DMP1: variants seen among roughly 807,000 people sequenced by gnomAD.
DMP1 encodes the protein dentin matrix acidic phosphoprotein 1.
DMP1 carries 20 observed loss-of-function variants against 14.6 expected under a neutral mutation model. The observed-to-expected ratio is 1.37, with a 90% confidence interval of 0.96 to 1.99. The LOEUF is 1.99. Among genes scored for constraint, DMP1 ranks in the 30% most tolerant of loss-of-function variants. DMP1 has a pLI of 0.00. For missense variants in DMP1, 567 were observed against 620.5 expected, an observed-to-expected ratio of 0.91 and a Z score of 0.92; for synonymous variants, 197 against 215.3, an observed-to-expected ratio of 0.91 and a Z score of 0.75.
intron 1 of DMP1, among the ~76,000 whole-genome samples, chr4:87,653,402 TA>T (rs1386599472): frequency 1.1e-5 from 1 of 94,128 alleles, no homozygotes; most frequent in Non-Finnish European, 2.1e-5. Flanking sequence ...TATATATATA[TA>T]TATATATATA....
intron 1 of DMP1, among the ~76,000 whole-genome samples, chr4:87,653,390 T>TATATAA (rs1354878492): frequency 7.5e-5 from 2 of 26,728 alleles, no homozygotes; most frequent in Admixed American, 6.4e-4. Flanking sequence ...TCGAGTGATA[T>TATATAA]ATATATATAT....
At chr4:87,655,680 GTGTGTA>G (rs1004729544) in intron 1 of DMP1, among the ~76,000 whole-genome samples, 3 of 152,056 alleles carry the variant, frequency 2.0e-5, no homozygotes, top group African/African-American at 4.8e-5. Flanking sequence ...GTGTGTGTGT[GTGTGTA>G]TGTGTATGTG....
chr4:87,656,545 C>T lies in DMP1; in HGVS notation c.53C>T (p.Pro18Leu). 6.2e-7 allele frequency: 1 copy of T among 1,602,612 alleles called. No individual in the cohort carries two copies. Among genetic ancestry groups the T allele is most frequent in the Non-Finnish European group, 8.5e-7 (1 of 1,169,710 alleles). ...CTTTGGGGATTATCCTGTGCTCTCC[C>T]AGTAAGTATTAGGGTAGGGATATAT... ...MFLWGLSCAL[P>L]VTRYQNNESE... The change falls in exon 2 of 6, where the codon CCA becomes CTA. Residue 18 changes from proline (P) to leucine (L), a missense_variant and splice_region_variant. By Grantham distance (98) the Pro-to-Leu change is moderately conservative. Coordinates refer to ENST00000339673, the MANE Select transcript of DMP1 (RefSeq NM_004407.4).
rs754686792 is a variant in DMP1, at chr4:87,662,912, G to C, written c.1134G>C (p.Gln378His). ...PDPTTSYVED[Q>H]EDSDSSEEDS... ...CCACAACTAGTTATGTAGAAGACCA[G>C]GAAGACAGTGACTCCAGCGAGGAGG... The change falls in exon 6 of 6, where the codon CAG (glutamine) becomes CAC (histidine). Residue 378 changes from glutamine to histidine, a missense_variant. Gln to His is a conservative substitution (Grantham distance 24). Coordinates refer to ENST00000339673, the MANE Select transcript of DMP1 (RefSeq NM_004407.4). The C allele has an allele frequency of 6.2e-7, 1 of 1,614,190 alleles. No individual in the cohort carries two copies. The highest frequency in any genetic ancestry group is 1.1e-5 in the South Asian group (1 of 91,074).
intron 1 of DMP1, among the ~76,000 whole-genome samples, chr4:87,655,154 C>A (rs1416862077): frequency 6.6e-6 from 1 of 152,072 alleles, no homozygotes; most frequent in Non-Finnish European, 1.5e-5. Flanking sequence ...AGAAATGAAA[C>A]AAATCGACAA....
intron 1 of DMP1, among the ~76,000 whole-genome samples, chr4:87,653,712 T>C (rs765796872): frequency 4.8e-4 from 73 of 152,082 alleles, no homozygotes; most frequent in Middle Eastern, 3.2e-3. Context: ...GATTTGTGCA[T>C]TGGCATTTTT....
Position 87,662,903 on chromosome 4 carries a change from A to G in DMP1, c.1125A>G (p.Val375=). ...ACCCCGACCCCACAACTAGTTATGTAGAAGACCAGGAAGACAGTGACTCCA... is the reference window on the plus strand; with the variant it reads ...ACCCCGACCCCACAACTAGTTATGTGGAAGACCAGGAAGACAGTGACTCCA... ...GDNPDPTTSY[V]EDQEDSDSSE... The change falls in exon 6 of 6, where the codon GTA becomes GTG. Residue 375 remains valine, a synonymous_variant. Transcript: ENST00000339673. The G allele has an allele frequency of 6.2e-7, 1 of 1,614,222 alleles. No homozygotes were observed. The highest frequency in any genetic ancestry group is 8.5e-7 in the Non-Finnish European group (1 of 1,180,038).
chr4:87,656,808 C>T (rs1263330841), intron 2 of DMP1, among the ~76,000 whole-genome samples: 1 of 152,202 alleles, frequency 6.6e-6, no homozygotes, highest in Admixed American at 6.5e-5. Flanking sequence ...GCATCAGCAT[C>T]AACTAGGACC....
chr4:87,655,265 C>T (rs1051907865), intron 1 of DMP1, among the ~76,000 whole-genome samples: 2 of 152,170 alleles, frequency 1.3e-5, no homozygotes, highest in Non-Finnish European at 2.9e-5. Flanking sequence ...GGGTAAATTG[C>T]GTTCCTTAAA....
chr4:87,659,928 A>G (rs1178871518), intron 5 of DMP1, among the ~76,000 whole-genome samples: 1 of 152,236 alleles, frequency 6.6e-6, no homozygotes, highest in East Asian at 1.9e-4. Flanking sequence ...TTTAATGAAA[A>G]GAACTGCTTC....
intron 2 of DMP1, 76 bp downstream of exon 2, chr4:87,656,622 A>C: frequency 1.0e-6 from 1 of 953,998 alleles, no homozygotes. Context: ...GCTATGAACC[A>C]AGATGGCTGT....
rs10019009 is a variant in DMP1 at position 87,661,983 on chromosome 4, A to T, written c.205A>T (p.Ser69Cys). ...CTAGGCAAATGAAGACCCCAGTGACAGCACTCAGTCAGAGGAGGGCCTGGG... is the reference window on the plus strand; with the variant it reads ...CTAGGCAAATGAAGACCCCAGTGACTGCACTCAGTCAGAGGAGGGCCTGGG... ...EEQANEDPSD[S>C]TQSEEGLGSD... is the part of the protein sequence containing the mutation. The change falls in exon 6 of 6, where the codon AGC becomes TGC. Residue 69 changes from serine to cysteine, a missense_variant. Physicochemically the swap from Ser to Cys is moderately radical, Grantham distance 112. Transcript: ENST00000339673. 444,526 of 1,613,724 alleles carry T rather than the reference A, an allele frequency of 0.28. 63,234 individuals are homozygous for T. Among genetic ancestry groups the T allele is most frequent in the East Asian group, 0.41 (18,317 of 44,820 alleles).
chr4:87,663,030 A>G lies in DMP1; in HGVS notation c.1252A>G (p.Ser418Gly). 1.2e-6 allele frequency: 2 copies of G among 1,614,192 alleles called. No homozygotes were observed. The highest frequency in any genetic ancestry group is 1.7e-6 in the Non-Finnish European group (2 of 1,180,006). The change falls in exon 6 of 6, where the codon AGC (serine) becomes GGC (glycine). Residue 418 changes from serine to glycine, a missense_variant. Physicochemically the swap from Ser to Gly is moderately conservative, Grantham distance 56 (BLOSUM62 0). Coordinates refer to ENST00000339673, the MANE Select transcript of DMP1 (RefSeq NM_004407.4). Reference protein sequence around the residue: ...SSESLNFSEESPESPEDENSS... With the variant: ...SSESLNFSEEGPESPEDENSS... Reference sequence around the variant, plus strand: ...TGAGAGCCTCAACTTCTCAGAGGAAAGCCCGGAGTCCCCTGAGGATGAGAA... The same window carrying G: ...TGAGAGCCTCAACTTCTCAGAGGAAGGCCCGGAGTCCCCTGAGGATGAGAA...
At chr4:87,660,704 T>A (rs1160854932) in intron 5 of DMP1, 1 of 152,202 alleles carries the variant, frequency 6.6e-6, no homozygotes, top group Non-Finnish European at 1.5e-5. Context: ...AGGGCTCACC[T>A]CTCTGACTTC....
chr4:87,659,569 A>G, intron 5 of DMP1, 91 bp downstream of exon 5: 3 of 1,253,818 alleles, frequency 2.4e-6, no homozygotes, highest in Non-Finnish European at 3.5e-6. Context: ...AGTTCTAAAT[A>G]TAATATTTTC....
intron 1 of DMP1, among the ~76,000 whole-genome samples, chr4:87,651,018 A>T (rs1728519870): frequency 6.6e-6 from 1 of 152,174 alleles, no homozygotes; most frequent in South Asian, 2.1e-4. Context: ...AAAATATTGC[A>T]TTTTAAAACA....
intron 1 of DMP1, among the ~76,000 whole-genome samples, chr4:87,653,398 TATATA>T (rs971599911): frequency 5.0e-5 from 3 of 60,002 alleles, no homozygotes; most frequent in African/African-American, 8.3e-5. Flanking sequence ...TATATATATA[TATATA>T]TATATATATA....
At chr4:87,659,609 C>A in intron 5 of DMP1, 131 bp downstream of exon 5, 1 of 901,446 alleles carries the variant, frequency 1.1e-6, no homozygotes, top group Non-Finnish European at 1.8e-6. Flanking sequence ...CTAAAGAGTC[C>A]TATAAAGTAA....
rs572026852 is a variant in DMP1, at chr4:87,662,159, A to G, written c.381A>G (p.Gln127=). 5.6e-6 allele frequency: 9 copies of G among 1,614,250 alleles called. No individual in the cohort carries two copies. In the Admixed American group the frequency reaches 1.0e-4, roughly 18 times the overall value. The part of the protein sequence containing the change: ...DDSGPGPKDR[Q]EGGNSRLGSD... ...GTGGCCCAGGGCCCAAAGACAGACAAGAAGGAGGAAACTCCAGACTGGGAA... is the reference window on the plus strand; with the variant it reads ...GTGGCCCAGGGCCCAAAGACAGACAGGAAGGAGGAAACTCCAGACTGGGAA... Residue 127 remains glutamine (Q), a synonymous_variant, in exon 6 of 6, where the codon CAA becomes CAG. Coordinates refer to ENST00000339673, the MANE Select transcript of DMP1 (RefSeq NM_004407.4).
Sources: gnomAD v4.1 joint callset for allele counts (sites outside exome capture counted in the v4.1 genomes callset) on GRCh38, gnomAD v4.1.1 for gene constraint, MANE v1.5 for transcripts, NCBI Gene and HGNC (gene_info 2026-07-23, HGNC 2026-07-21) for gene names.